AACS: variants seen among roughly 807,000 people sequenced by gnomAD.
AACS encodes acetoacetyl-CoA synthetase.
Under a neutral mutation model 83.1 loss-of-function variants are expected in AACS, and 69 were observed. That is an observed-to-expected ratio of 0.83 (90% CI 0.68 to 1.01). The LOEUF is 1.01. Among genes scored for constraint, AACS ranks in the 50% least tolerant of loss-of-function variants. The pLI, the probability that AACS is intolerant of heterozygous loss-of-function variation, is 0.00. For missense variants in AACS, 866 were observed against 882.2 expected, an observed-to-expected ratio of 0.98 and a Z score of 0.23; for synonymous variants, 333 against 343.4, an observed-to-expected ratio of 0.97 and a Z score of 0.33.
chr12:125,098,730 C>T (rs868386510), intron 5 of AACS, among the ~76,000 whole-genome samples: 41 of 152,234 alleles, frequency 2.7e-4, no homozygotes, highest in Admixed American at 4.6e-4. Context: ...GGTGTACAGG[C>T]GTGAGCCACC....
In AACS at chr12:125,072,232, A is replaced by G. The variant is rs186614827; in HGVS notation, c.134-1644A>G. Among the ~76,000 whole-genome samples the G allele has an allele frequency of 2.7e-4, 41 of 150,296 alleles. 1 individual carries two copies. The highest frequency in any genetic ancestry group is 8.3e-4 in the African/African-American group (34 of 40,858). ...GAGTGCAGTGGTGGGATCATAGCTC[A>G]CTGCAGACTTGAGCTTCTGGGCTAA... On this transcript the variant is annotated intron_variant, in intron 1 of 17. Coordinates refer to ENST00000316519, the MANE Select transcript of AACS (RefSeq NM_023928.5).
chr12:125,068,098 C>T (rs933779117), intron 1 of AACS, among the ~76,000 whole-genome samples: 3 of 152,226 alleles, frequency 2.0e-5, no homozygotes, highest in Non-Finnish European at 2.9e-5. Flanking sequence ...TCAGGGCTCT[C>T]AGACTGGTGG....
chr12:125,080,540 A>AC (rs1470730396), intron 3 of AACS, among the ~76,000 whole-genome samples: 14 of 151,418 alleles, frequency 9.2e-5, no homozygotes, highest in Admixed American at 7.9e-4. Flanking sequence ...ATTTTTTTAA[A>AC]CCCGGCCCTG....
chr12:125,099,669 A>C (rs1389894926), intron 5 of AACS, among the ~76,000 whole-genome samples: 2 of 152,126 alleles, frequency 1.3e-5, no homozygotes, highest in Non-Finnish European at 2.9e-5. Context: ...GATAACTGGA[A>C]ATGTTAGGTT....
chr12:125,102,929 G>C, intron 6 of AACS, 71 bp from the exon 7 acceptor site: 1 of 1,480,940 alleles, frequency 6.8e-7, no homozygotes, highest in South Asian at 1.2e-5. Flanking sequence ...GTTATATTTT[G>C]TGGAAAAAAA....
chr12:125,077,970 A>G (rs1956071222), intron 3 of AACS: 1 of 367,082 alleles, frequency 2.7e-6, no homozygotes, highest in Non-Finnish European at 5.4e-6. Context: ...TCGGCCTCCT[A>G]AAGTGCTGGG....
At chr12:125,091,390 C>G (rs747177845) in intron 4 of AACS, 36 bp from the exon 5 acceptor site, 1 of 1,608,856 alleles carries the variant, frequency 6.2e-7, no homozygotes, top group South Asian at 1.1e-5. Context: ...CCCATACACC[C>G]TGAACCCAAG....
At chr12:125,098,626 A>G (rs374794804) in intron 5 of AACS, among the ~76,000 whole-genome samples, 18 of 151,856 alleles carry the variant, frequency 1.2e-4, no homozygotes, top group African/African-American at 3.4e-4. Context: ...CAATTTTTGT[A>G]TTTTTAGTAG....
Position 125,142,099 on chromosome 12 carries a change from T to G in AACS, c.1889T>G (p.Leu630Arg), listed in dbSNP as rs748540531. The G allele has an allele frequency of 6.2e-7, 1 of 1,614,040 alleles. No homozygotes were observed. Among genetic ancestry groups the G allele is most frequent in the South Asian group, 1.1e-5 (1 of 91,062 alleles). ...ILETKGIPYTLNGKKVEVAVK... is the reference protein window; with the variant it reads ...ILETKGIPYTRNGKKVEVAVK... ...TCTACCTTTCCCTCGCAGTATACGCTCAACGGCAAGAAAGTGGAAGTTGCC... is the reference window on the plus strand; with the variant it reads ...TCTACCTTTCCCTCGCAGTATACGCGCAACGGCAAGAAAGTGGAAGTTGCC... The change falls in exon 18 of 18, where the codon CTC becomes CGC. Residue 630 changes from leucine to arginine, a missense_variant. Coordinates refer to ENST00000316519, the MANE Select transcript of AACS (RefSeq NM_023928.5).
At chr12:125,090,223 C>CCTCCATTCATCATCCCTCATCCAT (rs1956447045) in intron 4 of AACS, among the ~76,000 whole-genome samples, 1 of 141,308 alleles carries the variant, frequency 7.1e-6, no homozygotes, top group South Asian at 2.4e-4. Flanking sequence ...ATCTATCCAT[C>CCTCCATTCATCATCCCTCATCCAT]CATTTATTAT....
At chr12:125,117,483 T>C (rs974070596) in intron 9 of AACS, 6 of 152,210 alleles carry the variant, frequency 3.9e-5, no homozygotes, top group African/African-American at 1.4e-4. Flanking sequence ...CTCAACCTCT[T>C]GAGCTCAAGT....
intron 3 of AACS, among the ~76,000 whole-genome samples, chr12:125,078,756 G>C (rs1308477918): frequency 6.7e-6 from 1 of 149,486 alleles, no homozygotes; most frequent in East Asian, 2.0e-4. Context: ...GGGAGGTGGA[G>C]GTTGCAGTGA....
intron 16 of AACS, 76 bp downstream of exon 16, chr12:125,134,928 C>T: frequency 6.5e-7 from 1 of 1,533,484 alleles, no homozygotes; most frequent in South Asian, 1.1e-5. Flanking sequence ...CCAGGAGCCC[C>T]ACCTTTGGCA....
chr12:125,142,140 G>C lies in AACS; in HGVS notation c.1930G>C (p.Ala644Pro), dbSNP rs753935697. ...GGAAGTTGCCGTCAAACAGATCATC[G>C]CTGGAAAAGCCGTGGAGCAAGGAGG... ...KVEVAVKQII[A>P]GKAVEQGGAF... Residue 644 changes from alanine (A) to proline (P), a missense_variant, in exon 18 of 18, where the codon GCT (alanine) becomes CCT (proline). Coordinates refer to ENST00000316519, the MANE Select transcript of AACS (RefSeq NM_023928.5). The C allele has an allele frequency of 1.5e-5, 25 of 1,614,108 alleles. No homozygotes were observed. Among genetic ancestry groups the C allele is most frequent in the Non-Finnish European group, 2.0e-5 (24 of 1,180,034 alleles).
chr12:125,110,526 C>T (rs1033948771), intron 8 of AACS, among the ~76,000 whole-genome samples: 1 of 152,216 alleles, frequency 6.6e-6, no homozygotes. Context: ...CCGTGGCTCC[C>T]ACCCTCACGC....
intron 9 of AACS, among the ~76,000 whole-genome samples, chr12:125,116,801 T>C (rs1478673801): frequency 1.3e-5 from 2 of 152,046 alleles, no homozygotes; most frequent in African/African-American, 4.8e-5. Context: ...TTGGTGGCAG[T>C]TGTTTCATGT....
intron 1 of AACS, among the ~76,000 whole-genome samples, chr12:125,067,055 A>G (rs543651789): frequency 7.2e-5 from 11 of 152,182 alleles, no homozygotes; most frequent in African/African-American, 2.4e-4. Flanking sequence ...TGAAGCATAC[A>G]GGTCTTACTT....
At chr12:125,119,076 T>C (rs997498080) in intron 10 of AACS, among the ~76,000 whole-genome samples, 1 of 152,220 alleles carries the variant, frequency 6.6e-6, no homozygotes, top group African/African-American at 2.4e-5. Context: ...GGTTATTTTT[T>C]AGTAAAAATG....
intron 8 of AACS, among the ~76,000 whole-genome samples, chr12:125,114,103 A>G (rs1957004704): frequency 6.7e-6 from 1 of 150,160 alleles, no homozygotes; most frequent in Admixed American, 6.6e-5. Context: ...CCGTCCTGGA[A>G]GGGTTAGGCC....
Sources: gnomAD v4.1 joint callset for allele counts (sites outside exome capture counted in the v4.1 genomes callset) on GRCh38, gnomAD v4.1.1 for gene constraint, MANE v1.5 for transcripts, NCBI Gene and HGNC (gene_info 2026-07-23, HGNC 2026-07-21) for gene names.